USP34: variants seen among roughly 807,000 people sequenced by gnomAD.
USP34 encodes the protein ubiquitin specific peptidase 34.
A neutral mutation model predicts 460.3 loss-of-function variants in USP34; 70 were observed. The ratio of observed to expected loss-of-function variants is 0.15; its 90% CI spans 0.13 to 0.19. The LOEUF (loss-of-function observed/expected upper bound fraction) is 0.19. Among genes scored for constraint, USP34 ranks in the 10% least tolerant of loss-of-function variants. The pLI, the probability that USP34 is intolerant of heterozygous loss-of-function variation, is 1.00. For missense variants in USP34, 3,985 were observed against 4,236.2 expected (o/e 0.94, Z 1.65); for synonymous variants, 1,647 against 1,405.3 (o/e 1.17, Z -3.85).
intron 1 of USP34, among the ~76,000 whole-genome samples, chr2:61,469,948 G>C (rs191406504): frequency 1.3e-5 from 2 of 152,322 alleles, no homozygotes; most frequent in African/African-American, 4.8e-5. Context: ...CCTTCCAAGA[G>C]AGATAGGCCA....
intron 41 of USP34, among the ~76,000 whole-genome samples, chr2:61,270,186 A>T (rs1689171203): frequency 6.6e-6 from 1 of 152,228 alleles, no homozygotes; most frequent in Non-Finnish European, 1.5e-5. Context: ...TTGGAAGGTT[A>T]TTAAGTCATG....
chr2:61,261,135 G>T (rs567901675), intron 43 of USP34, among the ~76,000 whole-genome samples: 2 of 152,270 alleles, frequency 1.3e-5, no homozygotes, highest in African/African-American at 4.8e-5. Context: ...ATTCCCATAT[G>T]ATCCAACAAT....
chr2:61,322,901 AC>A (rs1690969696), intron 21 of USP34, among the ~76,000 whole-genome samples: 1 of 152,246 alleles, frequency 6.6e-6, no homozygotes, highest in African/African-American at 2.4e-5. Flanking sequence ...AAATAAAAAA[AC>A]AGAAGTATAT....
At chr2:61,283,586 AGAGTGAGAGT>A in intron 35 of USP34, 137 bp from the exon 36 acceptor site, 1 of 728,210 alleles carries the variant, frequency 1.4e-6, no homozygotes, top group Non-Finnish European at 2.2e-6. Flanking sequence ...AGTGAGAGTG[AGAGTGAGAGT>A]GAGAGAGAGT....
chr2:61,263,838 G>T (rs540273896), intron 43 of USP34, among the ~76,000 whole-genome samples: 127 of 152,208 alleles, frequency 8.3e-4, no homozygotes, highest in Non-Finnish European at 1.3e-3. Context: ...TGGCCAAGCT[G>T]CTTTGTCCAC....
chr2:61,356,738 GT>G (rs1385861772), intron 10 of USP34, among the ~76,000 whole-genome samples: 1 of 152,146 alleles, frequency 6.6e-6, no homozygotes, highest in African/African-American at 2.4e-5. Flanking sequence ...GAGAGTTGTT[GT>G]TCAATGGGTA....
chr2:61,227,099 A>T lies in USP34; in HGVS notation c.7563T>A (p.Val2521=). 3.1e-6 allele frequency: 5 copies of T among 1,612,986 alleles called. No homozygotes were observed. The highest frequency in any genetic ancestry group is 4.2e-6 in the Non-Finnish European group (5 of 1,179,798). ...ATCGAGACTGTTCAACCAAAAGAGC[A>T]ACTAAAGCTATCATCTTTTCAAGGG... is the stretch of plus-strand genomic sequence containing the variant. ...PAALEKMIAL[V]ALLVEQSRSE... The change falls in exon 62 of 80, where the codon GTT becomes GTA. Residue 2521 remains valine, a synonymous_variant. Coordinates refer to ENST00000398571, the MANE Select transcript of USP34 (RefSeq NM_014709.4).
At chr2:61,396,350 C>A (rs1693524912) in intron 3 of USP34, among the ~76,000 whole-genome samples, 2 of 152,134 alleles carry the variant, frequency 1.3e-5, no homozygotes, top group South Asian at 4.1e-4. Flanking sequence ...TTTGACCCAG[C>A]AATTCTAGCT....
chr2:61,378,913 G>GAAAAAAAAAAC (rs1692880013), intron 7 of USP34, among the ~76,000 whole-genome samples: 4 of 57,870 alleles, frequency 6.9e-5, no homozygotes, highest in Non-Finnish European at 1.1e-4. Context: ...TCAAAAAAAC[G>GAAAAAAAAAAC]AAAAAAAAAA....
At chr2:61,229,457 T>TAAAAAAAAAAAAAAAAAAAAAAAA (rs57231258) in intron 59 of USP34, 91 bp downstream of exon 59, 39 of 382,132 alleles carry the variant, frequency 1.0e-4, no homozygotes, top group Middle Eastern at 7.2e-4. Context: ...CCCTATCTCT[T>TAAAAAAAAAAAAAAAAAAAAAAAA]AAAAAAAAAA....
chr2:61,347,571 A>G (rs1691809833), intron 15 of USP34, among the ~76,000 whole-genome samples: 1 of 152,034 alleles, frequency 6.6e-6, no homozygotes, highest in Middle Eastern at 3.2e-3. Context: ...ATGGGGTTTC[A>G]CCATGTTGTT....
At chr2:61,315,576 T>C (rs1408617395) in intron 23 of USP34, among the ~76,000 whole-genome samples, 1 of 152,012 alleles carries the variant, frequency 6.6e-6, no homozygotes, top group African/African-American at 2.4e-5. Context: ...GGTTTCACCA[T>C]GTTGGCCAGG....
At chr2:61,399,010 T>C (rs968808259) in intron 3 of USP34, among the ~76,000 whole-genome samples, 1 of 152,126 alleles carries the variant, frequency 6.6e-6, no homozygotes, top group African/African-American at 2.4e-5. Context: ...AGGTGAACCA[T>C]GCTAGAATCT....
chr2:61,436,939 G>T (rs1694829863), intron 1 of USP34, among the ~76,000 whole-genome samples: 1 of 152,172 alleles, frequency 6.6e-6, no homozygotes, highest in Admixed American at 6.5e-5. Context: ...GCTCCTGAAT[G>T]ACCACTGGGT....
In USP34 at chr2:61,426,569, A is replaced by T. The variant is rs538806651; in HGVS notation, c.44-5736T>A. On this transcript the variant is annotated intron_variant, in intron 1 of 79. Transcript: ENST00000398571. Reference sequence around the variant, plus strand: ...GAATGCCAGCTCAGCCACAATACAAAAAGTATTGCTCTAGTATCTTAACTC... The same window carrying T: ...GAATGCCAGCTCAGCCACAATACAATAAGTATTGCTCTAGTATCTTAACTC... Among the ~76,000 whole-genome samples, 5 of 152,244 alleles carry T rather than the reference A, an allele frequency of 3.3e-5. No homozygotes were observed. In the South Asian group the frequency reaches 1.0e-3, roughly 32 times the overall value.
chr2:61,248,498 A>G lies in USP34; in HGVS notation c.6394+13T>C. The G allele has an allele frequency of 6.5e-7, 1 of 1,543,252 alleles. No homozygotes were observed. The stretch of plus-strand genomic sequence containing the variant: ...CAATAATCACAGACAAGAGAAAGAA[A>G]TGAAAAAATCACCTTCTTTCCTCTC... On this transcript the variant is annotated intron_variant, in intron 49 of 79. Coordinates refer to ENST00000398571, the MANE Select transcript of USP34 (RefSeq NM_014709.4).
chr2:61,292,280 A>G (rs907161776), intron 33 of USP34, among the ~76,000 whole-genome samples: 1 of 152,240 alleles, frequency 6.6e-6, no homozygotes, highest in African/African-American at 2.4e-5. Context: ...TCCTGAACTT[A>G]GAAGTATTTC....
intron 1 of USP34, among the ~76,000 whole-genome samples, chr2:61,429,742 T>C (rs984080378): frequency 6.6e-6 from 1 of 152,146 alleles, no homozygotes; most frequent in African/African-American, 2.4e-5. Context: ...GTAAAAAGAA[T>C]ACCAACCAGA....
intron 14 of USP34, 46 bp from the exon 15 acceptor site, chr2:61,348,526 A>G: frequency 6.4e-7 from 1 of 1,565,992 alleles, no homozygotes; most frequent in Non-Finnish European, 8.6e-7. Context: ...TAAACCAGTA[A>G]GAAAAAAGGT....
Sources: allele counts gnomAD v4.1 joint callset (sites outside exome capture counted in the v4.1 genomes callset), GRCh38; gene constraint gnomAD v4.1.1; transcripts MANE v1.5; gene names NCBI Gene and HGNC (gene_info 2026-07-23, HGNC 2026-07-21).